NAV2: variants seen among roughly 807,000 people sequenced by gnomAD.
NAV2 encodes the protein neuron navigator 2, also known as helicase, APC down-regulated 1.
NAV2 carries 54 observed loss-of-function variants against 223.2 expected under a neutral mutation model. That is an observed-to-expected ratio of 0.24 (90% CI 0.19 to 0.30). The LOEUF (loss-of-function observed/expected upper bound fraction) is 0.30. NAV2 is among the 10% of genes least tolerant of loss of function. NAV2 has a pLI of 1.00. For synonymous variants in NAV2, 1,279 were observed against 1,239.3 expected, an observed-to-expected ratio of 1.03 and a Z score of -0.67; for missense variants, 2,806 against 3,147.5, an observed-to-expected ratio of 0.89 and a Z score of 2.60.
At chr11:19,451,204 C>T (rs535706703) in intron 1 of NAV2, among the ~76,000 whole-genome samples, 7 of 152,254 alleles carry the variant, frequency 4.6e-5, no homozygotes, top group South Asian at 2.1e-4. Context: ...TCCATCTCCC[C>T]GTTGTTCCAA....
intron 1 of NAV2, among the ~76,000 whole-genome samples, chr11:19,634,757 G>A (rs1217136283): frequency 1.3e-5 from 2 of 152,176 alleles, no homozygotes; most frequent in East Asian, 3.8e-4. Context: ...AGAAGAGAAG[G>A]ACAGAATTCT....
At chr11:19,655,126 A>C (rs558727141) in intron 1 of NAV2, among the ~76,000 whole-genome samples, 290 of 152,338 alleles carry the variant, frequency 1.9e-3, no homozygotes, top group African/African-American at 5.0e-3. Flanking sequence ...ATGCAGCCAA[A>C]AGACACGTGA....
intron 1 of NAV2, among the ~76,000 whole-genome samples, chr11:19,633,801 G>T (rs1389314591): frequency 6.6e-6 from 1 of 152,210 alleles, no homozygotes; most frequent in Non-Finnish European, 1.5e-5. Flanking sequence ...GCACTGGGAG[G>T]ACCCCTGTTC....
At chr11:19,553,134 C>T (rs901804926) in intron 1 of NAV2, among the ~76,000 whole-genome samples, 5 of 152,146 alleles carry the variant, frequency 3.3e-5, no homozygotes, top group Non-Finnish European at 5.9e-5. Context: ...TTGCAAGAGC[C>T]GGGCTCAGAA....
intron 10 of NAV2, among the ~76,000 whole-genome samples, chr11:19,951,660 T>G (rs187335077): frequency 6.6e-6 from 1 of 152,338 alleles, no homozygotes; most frequent in East Asian, 1.9e-4. Flanking sequence ...GTGTTGATTA[T>G]GTCCACAAGG....
intron 1 of NAV2, among the ~76,000 whole-genome samples, chr11:19,487,458 G>A (rs1324304247): frequency 6.6e-6 from 1 of 152,120 alleles, no homozygotes; most frequent in Admixed American, 6.5e-5. Flanking sequence ...TATGAGGAAG[G>A]ATTGAAAAAA....
In NAV2 at chr11:19,755,752, T is replaced by C. The variant is rs186645292; in HGVS notation, c.267+41790T>C. ...ACCAGTCTTTGGCTTTGCAACCCAATGTTGTGCTAAACTCCTATTATTCTC... is the reference window on the plus strand; with the variant it reads ...ACCAGTCTTTGGCTTTGCAACCCAACGTTGTGCTAAACTCCTATTATTCTC... On this transcript the variant is annotated intron_variant, in intron 1 of 37. Transcript: ENST00000349880. 8.5e-5 allele frequency among the ~76,000 whole-genome samples: 13 copies of C among 152,338 alleles called. No homozygotes were observed. The East Asian group carries it at 2.3e-3, about 27-fold the overall frequency.
intron 1 of NAV2, among the ~76,000 whole-genome samples, chr11:19,584,342 T>C (rs1240890393): frequency 6.6e-6 from 1 of 152,212 alleles, no homozygotes; most frequent in Non-Finnish European, 1.5e-5. Context: ...CCTGGATTCA[T>C]TGATTTTTTG....
intron 1 of NAV2, among the ~76,000 whole-genome samples, chr11:19,385,742 C>T (rs1849008383): frequency 7.1e-6 from 1 of 140,486 alleles, no homozygotes; most frequent in South Asian, 2.4e-4. Context: ...ACTGCTTTTT[C>T]AATATAGCTC....
chr11:19,714,686 T>C (rs1308044055), intron 1 of NAV2, among the ~76,000 whole-genome samples: 2 of 151,996 alleles, frequency 1.3e-5, no homozygotes, highest in African/African-American at 4.8e-5. Flanking sequence ...GATCCTGGTG[T>C]TGGTAGCCCG....
chr11:19,786,919 T>C (rs1242955686), intron 1 of NAV2, among the ~76,000 whole-genome samples: 1 of 151,988 alleles, frequency 6.6e-6, no homozygotes, highest in Non-Finnish European at 1.5e-5. Context: ...GTTGGGAGGA[T>C]GTTTTGAGGC....
At chr11:19,492,489 G>A (rs1018446373) in intron 1 of NAV2, among the ~76,000 whole-genome samples, 2 of 151,984 alleles carry the variant, frequency 1.3e-5, no homozygotes, top group Admixed American at 1.3e-4. Flanking sequence ...GGATGTGATG[G>A]CTGTAGTTCT....
chr11:19,591,439 T>C (rs1248611591), intron 1 of NAV2: 1 of 152,238 alleles, frequency 6.6e-6, no homozygotes, highest in Non-Finnish European at 1.5e-5. Flanking sequence ...TCTTCTCTAC[T>C]TAGGAACAGT....
intron 22 of NAV2, among the ~76,000 whole-genome samples, chr11:20,077,346 G>T (rs188658488): frequency 4.6e-5 from 7 of 152,156 alleles, no homozygotes; most frequent in Non-Finnish European, 7.4e-5. Context: ...AGGGCCCTAA[G>T]ATGGGAAGGA....
intron 11 of NAV2, among the ~76,000 whole-genome samples, chr11:20,024,092 G>A (rs1453554498): frequency 3.9e-5 from 6 of 152,154 alleles, no homozygotes; most frequent in Admixed American, 3.3e-4. Flanking sequence ...ATCTGAGCTC[G>A]GAATGGTTTT....
chr11:19,870,514 C>T (rs1263524272), intron 4 of NAV2, among the ~76,000 whole-genome samples: 1 of 152,140 alleles, frequency 6.6e-6, no homozygotes, highest in Non-Finnish European at 1.5e-5. Context: ...TTCATCCTGC[C>T]TGGCTGGTAG....
chr11:19,430,003 A>G (rs187519832), intron 1 of NAV2, among the ~76,000 whole-genome samples: 16 of 152,312 alleles, frequency 1.1e-4, no homozygotes, highest in South Asian at 2.1e-4. Flanking sequence ...GGAAACTTCA[A>G]TTTCACATTC....
rs926706591 is a variant in NAV2 at position 19,481,840 on chromosome 11, G to C, written c.75+130813G>C. On this transcript the variant is annotated intron_variant, in intron 1 of 37. Coordinates refer to the NAV2 transcript ENST00000360655. ...AAATATCTACAATGTCTCACAGTTGGCCCACAAAGGTGGGGAGGGACAAGA... is the reference window on the plus strand; with the variant it reads ...AAATATCTACAATGTCTCACAGTTGCCCCACAAAGGTGGGGAGGGACAAGA... Among the ~76,000 whole-genome samples, 6 of 152,326 alleles carry C rather than the reference G, an allele frequency of 3.9e-5. 2 individuals carry two copies. The highest frequency in any genetic ancestry group is 3.9e-4 in the Admixed American group (6 of 15,300).
chr11:20,044,897 G>A lies in NAV2; in HGVS notation c.3200-71G>A, dbSNP rs74624374. ...TGAACCAGCTCTTCAGAGGAGGAGA[G>A]CATCTTAAACAGACGAGATGGATGA... On this transcript the variant is annotated intron_variant, in intron 13 of 37. Transcript: ENST00000349880. 1,671 of 1,288,044 alleles carry A rather than the reference G, an allele frequency of 1.3e-3. 14 individuals carry two copies. In the African/African-American group the frequency reaches 0.023, roughly 18 times the overall value. 79.8% of individuals were successfully genotyped at this position (1,288,044 alleles called of 1,614,324 possible). A position where few individuals can be genotyped will look rare whatever the true frequency, so the allele number is the denominator to read the frequency against.
Sources: allele counts gnomAD v4.1 joint callset (sites outside exome capture counted in the v4.1 genomes callset), GRCh38; gene constraint gnomAD v4.1.1; transcripts MANE v1.5; gene names NCBI Gene and HGNC (gene_info 2026-07-23, HGNC 2026-07-21).